CTNS: variants seen among roughly 807,000 people sequenced by gnomAD.
CTNS encodes cystinosin.
Under a neutral mutation model 43.7 loss-of-function variants are expected in CTNS, and 27 were observed. The ratio of observed to expected loss-of-function variants is 0.62; its 90% confidence interval spans 0.46 to 0.85. The LOEUF is 0.85. Ranked by LOEUF, CTNS falls within the 40% of genes least tolerant of loss-of-function variation. The pLI, the probability that CTNS is intolerant of heterozygous loss-of-function variation, is 0.00. For synonymous variants in CTNS, 187 were observed against 190.6 expected (o/e 0.98, Z 0.16); for missense variants, 457 against 475.4 (o/e 0.96, Z 0.36).
At chr17:3,649,223 C>T (rs536760581) in intron 5 of CTNS, among the ~76,000 whole-genome samples, 21 of 152,164 alleles carry the variant, frequency 1.4e-4, no homozygotes, top group East Asian at 1.4e-3. Context: ...CCAAGGTGAG[C>T]GGGTCACCTG....
intron 5 of CTNS, among the ~76,000 whole-genome samples, chr17:3,650,952 A>G (rs1055505969): frequency 2.0e-5 from 3 of 151,958 alleles, no homozygotes; most frequent in Non-Finnish European, 2.9e-5. Context: ...ATAGGCGCCC[A>G]CCACCAGGCC....
chr17:3,660,137 G>T, intron 11 of CTNS, 99 bp from the exon 12 acceptor site: 1 of 1,561,192 alleles, frequency 6.4e-7, no homozygotes, highest in East Asian at 2.2e-5. Flanking sequence ...TGGAGGCTTT[G>T]TGGTTTTCTG....
intron 5 of CTNS, among the ~76,000 whole-genome samples, chr17:3,649,675 A>C (rs2075931225): frequency 6.6e-6 from 1 of 152,126 alleles, no homozygotes; most frequent in Non-Finnish European, 1.5e-5. Context: ...TGTCGTTTCC[A>C]AAAACCAGTG....
At chr17:3,655,142 A>G in intron 6 of CTNS, 41 bp downstream of exon 6, 1 of 1,613,956 alleles carries the variant, frequency 6.2e-7, no homozygotes, top group Non-Finnish European at 8.5e-7. Flanking sequence ...CGTGACAAGA[A>G]GGGGGCCGTG....
Position 3,661,699 on chromosome 17 carries a change from C to T in CTNS, c.*1330C>T, listed in dbSNP as rs1214657626. ...CACTGGGGAGCCCTCTTGGGTAGCGCGAGACGCCTACCCGCCCAGGGCCAG... is the reference window on the plus strand; with the variant it reads ...CACTGGGGAGCCCTCTTGGGTAGCGTGAGACGCCTACCCGCCCAGGGCCAG... On this transcript the variant is annotated 3_prime_UTR_variant, in exon 12 of 12. Coordinates refer to ENST00000046640, the MANE Select transcript of CTNS (RefSeq NM_004937.3). Among the ~76,000 whole-genome samples the T allele has an allele frequency of 2.0e-5, 3 of 152,198 alleles. No individual in the cohort carries two copies. The highest frequency in any genetic ancestry group is 4.4e-5 in the Non-Finnish European group (3 of 68,042).
chr17:3,650,842 G>A lies in CTNS; in HGVS notation c.225+1911G>A, dbSNP rs148097227. ...TTTAGAGACAGAGCTTCACTCTGTC[G>A]CCCAGGTTGGAGTAAAGTGGCGCAA... On this transcript the variant is annotated intron_variant, in intron 5 of 11. Transcript: ENST00000046640. Among the ~76,000 whole-genome samples, 285 of 152,068 alleles carry A rather than the reference G, an allele frequency of 1.9e-3. No individual in the cohort carries two copies. The Middle Eastern group carries it at 0.02, about 11-fold the overall frequency.
rs2150881886 is a variant in CTNS at position 3,637,258 on chromosome 17, A to G, written c.-78A>G. 1 of 152,286 alleles carries G rather than the reference A, an allele frequency of 6.6e-6. No individual in the cohort carries two copies. Among genetic ancestry groups the G allele is most frequent in the East Asian group, 1.9e-4 (1 of 5,184 alleles). 9.4% of individuals were successfully genotyped at this position (152,286 alleles called of 1,614,324 possible). A position where few individuals can be genotyped will look rare whatever the true frequency, so the allele number is the denominator to read the frequency against. On this transcript the variant is annotated 5_prime_UTR_variant, in exon 2 of 12. Transcript: ENST00000046640. ...AGGACTCCTGAGCTCTGCCTCTTCCAGTAACATTGAGGATTACTGTGTTTT... is the reference window on the plus strand; with the variant it reads ...AGGACTCCTGAGCTCTGCCTCTTCCGGTAACATTGAGGATTACTGTGTTTT...
chr17:3,659,792 G>C (rs866656231), intron 10 of CTNS, 66 bp from the exon 11 acceptor site: 1 of 1,157,294 alleles, frequency 8.6e-7, no homozygotes, highest in South Asian at 1.2e-5. Flanking sequence ...GGGCAGTCAC[G>C]AGGCGCATGA....
intron 5 of CTNS, among the ~76,000 whole-genome samples, chr17:3,649,407 G>GCCCCACTA (rs1279409938): frequency 6.7e-6 from 1 of 148,756 alleles, no homozygotes; most frequent in African/African-American, 2.5e-5. Flanking sequence ...AGCCTAGATG[G>GCCCCACTA]CCCCACTACA....
At chr17:3,640,304 G>A (rs768135137) in intron 3 of CTNS, 37 bp downstream of exon 3, 1 of 1,581,808 alleles carries the variant, frequency 6.3e-7, no homozygotes, top group Non-Finnish European at 8.7e-7. Flanking sequence ...TTGTAAAGAG[G>A]GAAATGGTGG....
chr17:3,656,620 A>G (rs1266286920), intron 8 of CTNS, 34 bp downstream of exon 8: 2 of 1,611,974 alleles, frequency 1.2e-6, no homozygotes, highest in Non-Finnish European at 1.7e-6. Flanking sequence ...CTCTGCCCAC[A>G]TGGCGTGGTG....
rs376878733 is a variant in CTNS, at chr17:3,648,869, G to A, written c.163G>A (p.Val55Met). Residue 55 changes from valine (V) to methionine (M), a missense_variant, in exon 5 of 12, where the codon GTG becomes ATG. Val to Met is a conservative substitution (Grantham distance 21, BLOSUM62 1). Coordinates refer to ENST00000046640, the MANE Select transcript of CTNS (RefSeq NM_004937.3). ...TLRPPLNATLVITFEITFRSK... is the reference protein window; with the variant it reads ...TLRPPLNATLMITFEITFRSK... The stretch of plus-strand genomic sequence containing the variant: ...CAGGCCACCATTAAATGCAACCCTG[G>A]TGATCACTTTTGAAATCACATTTCG... 28 of 1,613,876 alleles carry A rather than the reference G, an allele frequency of 1.7e-5. No individual in the cohort carries two copies. The highest frequency in any genetic ancestry group is 2.7e-5 in the African/African-American group (2 of 74,908).
chr17:3,662,731 G>C lies in CTNS; in HGVS notation c.*2362G>C, dbSNP rs529210698. On this transcript the variant is annotated 3_prime_UTR_variant, in exon 12 of 12. Transcript: ENST00000046640. ...GGTCAGGCGCAGTGCAGCTGCTGCG[G>C]CTCCACCAGCCCCGGGCTTTCAGGC... 8.8e-6 allele frequency among the ~76,000 whole-genome samples: 1 copy of C among 113,754 alleles called. No homozygotes were observed. 74.6% of individuals were successfully genotyped at this position (113,754 alleles called of 152,430 possible). A position where few individuals can be genotyped will look rare whatever the true frequency, so the allele number is the denominator to read the frequency against.
chr17:3,655,943 G>T, intron 7 of CTNS: 1 of 263,782 alleles, frequency 3.8e-6, no homozygotes, highest in Non-Finnish European at 7.5e-6. Flanking sequence ...GGTGGCATCC[G>T]TGGTGGTAGC....
At chr17:3,653,544 A>G (rs1360515474) in intron 5 of CTNS, among the ~76,000 whole-genome samples, 1 of 152,044 alleles carries the variant, frequency 6.6e-6, no homozygotes, top group Non-Finnish European at 1.5e-5. Flanking sequence ...TTCAGTAAGG[A>G]TATCATCCTG....
intron 3 of CTNS, among the ~76,000 whole-genome samples, chr17:3,642,057 A>T: frequency 2.6e-5 from 1 of 37,844 alleles, no homozygotes. Flanking sequence ...GTGTGTGTGT[A>T]CCCGGGCGTG....
At chr17:3,649,735 G>A (rs567072025) in intron 5 of CTNS, among the ~76,000 whole-genome samples, 3 of 149,018 alleles carry the variant, frequency 2.0e-5, no homozygotes, top group East Asian at 4.2e-4. Flanking sequence ...CTTTATGCAT[G>A]TATCTATTTG....
At chr17:3,655,456 C>T (rs2076106582) in intron 7 of CTNS, 104 bp downstream of exon 7, 2 of 1,526,510 alleles carry the variant, frequency 1.3e-6, no homozygotes, top group South Asian at 2.2e-5. Context: ...CTCTACCCTT[C>T]TGTCTGCCTA....
rs72835828 is a variant in CTNS, at chr17:3,662,496, G to A, written c.*2127G>A. Among the ~76,000 whole-genome samples the A allele has an allele frequency of 0.011, 1,748 of 152,186 alleles. 13 individuals are homozygous for A. Among genetic ancestry groups the A allele is most frequent in the Non-Finnish European group, 0.017 (1,174 of 67,986 alleles). ...GGTTGTGTCCCTCGCTGGGATACAC[G>A]GAGTGCCCTTATAGGCAGGGAGTCT... is the stretch of plus-strand genomic sequence containing the variant. On this transcript the variant is annotated 3_prime_UTR_variant, in exon 12 of 12. Transcript: ENST00000046640.
Sources: allele counts gnomAD v4.1 joint callset (sites outside exome capture counted in the v4.1 genomes callset), GRCh38; gene constraint gnomAD v4.1.1; transcripts MANE v1.5; gene names NCBI Gene and HGNC (gene_info 2026-07-23, HGNC 2026-07-21).